The following DAP3 variants were observed in gnomAD, a reference collection of about 807,000 sequenced individuals.
DAP3 encodes small ribosomal subunit protein mS29.
Under a neutral mutation model 51.9 loss-of-function variants are expected in DAP3, and 28 were observed. That is an observed-to-expected ratio of 0.54 (90% CI 0.40 to 0.74). DAP3 has a LOEUF of 0.74. Ranked by LOEUF, DAP3 falls within the 30% of genes least tolerant of loss-of-function variation. DAP3 has a pLI of 0.00. For synonymous variants in DAP3, 170 were observed against 170.3 expected (o/e 1.00, Z 0.01); for missense variants, 458 against 483.5 (o/e 0.95, Z 0.49).
intron 3 of DAP3, among the ~76,000 whole-genome samples, chr1:155,718,514 C>T (rs985926270): frequency 3.3e-5 from 5 of 151,868 alleles, no homozygotes; most frequent in Admixed American, 6.6e-5. Flanking sequence ...GAGACCCCAT[C>T]TCTACTAAAA....
At chr1:155,702,534 G>T (rs975482920) in intron 1 of DAP3, among the ~76,000 whole-genome samples, 2 of 152,098 alleles carry the variant, frequency 1.3e-5, no homozygotes, top group African/African-American at 4.8e-5. Flanking sequence ...GCTCTTATGA[G>T]TACGTCTATG....
chr1:155,737,761 T>C (rs1452286179), intron 12 of DAP3, among the ~76,000 whole-genome samples: 2 of 140,302 alleles, frequency 1.4e-5, no homozygotes, highest in African/African-American at 2.5e-5. Context: ...CCCATCTCTA[T>C]TGAAAAAAGC....
At chr1:155,691,791 G>A (rs1160556910) in intron 1 of DAP3, among the ~76,000 whole-genome samples, 1 of 141,822 alleles carries the variant, frequency 7.1e-6, no homozygotes, top group Non-Finnish European at 1.5e-5. Context: ...TGGGTGTGAA[G>A]TGTATCTCAT....
intron 11 of DAP3, chr1:155,736,660 G>T: frequency 2.7e-6 from 1 of 377,190 alleles, no homozygotes; most frequent in Admixed American, 4.2e-5. Flanking sequence ...CAAGCAATAT[G>T]CCCATCTCAG....
At chr1:155,731,888 G>A (rs941776778) in intron 10 of DAP3, 56 bp from the exon 11 acceptor site, 34 of 1,497,810 alleles carry the variant, frequency 2.3e-5, no homozygotes, top group Non-Finnish European at 2.7e-5. Flanking sequence ...GATGATTAAT[G>A]CAGTTTTCCA....
intron 3 of DAP3, among the ~76,000 whole-genome samples, chr1:155,720,324 CAAAAAAAA>C (rs61252469): frequency 2.1e-4 from 7 of 32,788 alleles, no homozygotes; most frequent in South Asian, 1.6e-3. Context: ...GATCTTGTCT[CAAAAAAAA>C]AAAAAAAAAA....
upstream of DAP3, chr1:155,688,317 A>G: frequency 6.4e-7 from 1 of 1,558,666 alleles, no homozygotes; most frequent in Non-Finnish European, 8.7e-7. Context: ...GCGAACCCAA[A>G]ATGGCGGCGG....
chr1:155,726,167 G>T, intron 6 of DAP3, 148 bp downstream of exon 6: 2 of 599,092 alleles, frequency 3.3e-6, no homozygotes, highest in Non-Finnish European at 2.7e-6. Flanking sequence ...AGTCTGGAGT[G>T]CAGAGGCGCA....
At chr1:155,713,107 T>C (rs139768145) in intron 2 of DAP3, among the ~76,000 whole-genome samples, 2 of 152,236 alleles carry the variant, frequency 1.3e-5, no homozygotes, top group Non-Finnish European at 2.9e-5. Flanking sequence ...GACAAAAGTT[T>C]ACCTTCTTGG....
intron 6 of DAP3, 84 bp downstream of exon 6, chr1:155,726,103 CTTTTCTTTTCT>C: frequency 1.1e-6 from 1 of 951,132 alleles, no homozygotes; most frequent in Non-Finnish European, 1.5e-6. Flanking sequence ...ATTTTCTTTT[CTTTTCTTTTCT>C]TTTTTTTTTT....
intron 4 of DAP3, among the ~76,000 whole-genome samples, chr1:155,724,237 T>A (rs1310028788): frequency 6.6e-5 from 10 of 152,100 alleles, no homozygotes; most frequent in Admixed American, 6.5e-5. Context: ...GCTGGAGGTA[T>A]GAGGTATGGA....
chr1:155,712,822 G>C (rs591516), intron 2 of DAP3, among the ~76,000 whole-genome samples: 144,626 of 152,068 alleles, frequency 0.95, 68,845 homozygotes, highest in East Asian at 1. Context: ...GTAGAAATAG[G>C]ACCACCTTGT....
chr1:155,722,487 G>A (rs1450376129), intron 4 of DAP3, among the ~76,000 whole-genome samples: 1 of 152,038 alleles, frequency 6.6e-6, no homozygotes, highest in Admixed American at 6.6e-5. Context: ...AGGTGAAGGT[G>A]GGAGGATTGT....
chr1:155,731,319 C>G, intron 9 of DAP3, 37 bp from the exon 10 acceptor site: 2 of 1,598,002 alleles, frequency 1.3e-6, no homozygotes, highest in South Asian at 1.1e-5. Context: ...AGGAAAGGCA[C>G]GTGATGATCT....
rs773210178 is a variant in DAP3, at chr1:155,731,343, G to A, written c.844-13G>A. The A allele has an allele frequency of 6.2e-7, 1 of 1,613,318 alleles. No individual in the cohort carries two copies. The highest frequency in any genetic ancestry group is 8.5e-7 in the Non-Finnish European group (1 of 1,179,582). ...ACGTGATGATCTCTTCTCTCTTTCT[G>A]TCCGATATGCAGATTGCCCCCGAGG... On this transcript the variant is annotated splice_polypyrimidine_tract_variant and intron_variant, in intron 9 of 12. Transcript: ENST00000368336.
Position 155,738,885 on chromosome 1 carries a change from T to C in DAP3, c.*643T>C, listed in dbSNP as rs1660047535. ...TACTTGGGAGGCTGAGGCAGGAGAA[T>C]TGCTTCAACTTGGGAGGCGGATGTT... On this transcript the variant is annotated 3_prime_UTR_variant, in exon 13 of 13. Coordinates refer to ENST00000368336, the MANE Select transcript of DAP3 (RefSeq NM_004632.4). 1 of 151,910 alleles carries C rather than the reference T, an allele frequency of 6.6e-6. No homozygotes were observed. The highest frequency in any genetic ancestry group is 1.5e-5 in the Non-Finnish European group (1 of 68,008). 9.4% of individuals were successfully genotyped at this position (151,910 alleles called of 1,614,324 possible).
intron 2 of DAP3, among the ~76,000 whole-genome samples, chr1:155,713,907 C>T (rs1366257226): frequency 6.6e-6 from 1 of 152,144 alleles, no homozygotes; most frequent in African/African-American, 2.4e-5. Flanking sequence ...CAACTCAAGG[C>T]AGTGTAATAA....
At chr1:155,700,434 T>C (rs897258344) in intron 1 of DAP3, among the ~76,000 whole-genome samples, 1 of 152,262 alleles carries the variant, frequency 6.6e-6, no homozygotes, top group African/African-American at 2.4e-5. Context: ...GCTTTTGATG[T>C]TATAGTTAAG....
rs1270572447 is a variant in DAP3, at chr1:155,729,140, G to A, written c.684+18G>A. On this transcript the variant is annotated intron_variant, in intron 8 of 12. Coordinates refer to ENST00000368336, the MANE Select transcript of DAP3 (RefSeq NM_004632.4). ...TTGAACAGGTATAAGAAAAAACACT[G>A]AATGTGTAACATGCGATAACAAGAG... 6.2e-7 allele frequency: 1 copy of A among 1,614,058 alleles called. No homozygotes were observed.
Sources: allele counts gnomAD v4.1 joint callset (sites outside exome capture counted in the v4.1 genomes callset), GRCh38; gene constraint gnomAD v4.1.1; transcripts MANE v1.5; gene names NCBI Gene and HGNC (gene_info 2026-07-23, HGNC 2026-07-21).